The following ANKRD17 variants were observed in gnomAD, a reference collection of about 807,000 sequenced individuals.
The protein encoded by ANKRD17 is ankyrin repeat domain 17, also known as ankyrin repeat domain-containing protein 17.
ANKRD17 carries 19 observed loss-of-function variants against 229.7 expected under a neutral mutation model. The observed-to-expected ratio is 0.08, with a 90% CI of 0.06 to 0.12. ANKRD17 has a LOEUF of 0.12. Ranked by LOEUF, ANKRD17 falls within the 10% of genes least tolerant of loss-of-function variation. The pLI, the probability that ANKRD17 is intolerant of heterozygous loss-of-function variation, is 1.00. For synonymous variants in ANKRD17, 1,112 were observed against 1,146.1 expected (o/e 0.97, Z 0.60); for missense variants, 2,176 against 3,176.8 (o/e 0.68, Z 7.57).
At chr4:73,221,654 C>A (rs1326549723) in intron 1 of ANKRD17, among the ~76,000 whole-genome samples, 1 of 152,174 alleles carries the variant, frequency 6.6e-6, no homozygotes, top group Non-Finnish European at 1.5e-5. Context: ...GTTTATACTA[C>A]TATTTCTAAG....
chr4:73,255,503 A>G (rs1455373553), intron 1 of ANKRD17, among the ~76,000 whole-genome samples: 1 of 152,202 alleles, frequency 6.6e-6, no homozygotes, highest in African/African-American at 2.4e-5. Flanking sequence ...GAGAAAAGAC[A>G]ACACTGTGAT....
chr4:73,113,724 CA>C, intron 24 of ANKRD17, 67 bp downstream of exon 24: 1 of 1,180,050 alleles, frequency 8.5e-7, no homozygotes, highest in Non-Finnish European at 1.3e-6. Context: ...AGACGGATTA[CA>C]AATCAAAAGA....
At position 73,149,012 on chromosome 4, in the gene ANKRD17, G is replaced by A. The variant is rs376201909; in HGVS notation, c.1368C>T (p.Ser456=). The change falls in exon 8 of 34, where the codon AGC becomes AGT. Residue 456 remains serine, a synonymous_variant. Coordinates refer to ENST00000358602, the MANE Select transcript of ANKRD17 (RefSeq NM_032217.5). ...HVEVARLLLD[S]GAQVNMPADS... ...CAGCAGGCATGTTCACTTGGGCACCGCTGTCAAGAAGTAACCTAGCTACTT... is the reference window on the plus strand; with the variant it reads ...CAGCAGGCATGTTCACTTGGGCACCACTGTCAAGAAGTAACCTAGCTACTT... 2 of 1,612,618 alleles carry A rather than the reference G, an allele frequency of 1.2e-6. No individual in the cohort carries two copies. The highest frequency in any genetic ancestry group is 1.7e-6 in the Non-Finnish European group (2 of 1,179,188).
intron 21 of ANKRD17, among the ~76,000 whole-genome samples, chr4:73,119,727 G>A (rs1726459622): frequency 6.6e-6 from 1 of 152,220 alleles, no homozygotes; most frequent in South Asian, 2.1e-4. Flanking sequence ...GTGACTGAAA[G>A]TAGAAAGTAC....
At chr4:73,143,538 C>T (rs745605428) in intron 11 of ANKRD17, among the ~76,000 whole-genome samples, 58 of 152,060 alleles carry the variant, frequency 3.8e-4, no homozygotes, top group Non-Finnish European at 1.3e-4. Context: ...GAGGGGACAG[C>T]GATTATGTAC....
At chr4:73,161,388 A>T (rs1732501790) in intron 2 of ANKRD17, 40 bp from the exon 3 acceptor site, 1 of 1,599,730 alleles carries the variant, frequency 6.3e-7, no homozygotes, top group South Asian at 1.1e-5. Flanking sequence ...CACACCCAAA[A>T]GGAGAAACAA....
At position 73,148,798 on chromosome 4, in the gene ANKRD17, G is replaced by C; in HGVS notation, c.1567+15C>G. ...TTACACATTTATACTTTAGTGTCTT[G>C]ATAGATACGGTTACCTTGACCAAGA... On this transcript the variant is annotated intron_variant, in intron 8 of 33. Coordinates refer to ENST00000358602, the MANE Select transcript of ANKRD17 (RefSeq NM_032217.5). The C allele has an allele frequency of 6.2e-7, 1 of 1,602,758 alleles. No individual in the cohort carries two copies. Among genetic ancestry groups the C allele is most frequent in the Non-Finnish European group, 8.5e-7 (1 of 1,169,886 alleles).
chr4:73,212,887 A>G (rs1740491445), intron 1 of ANKRD17, among the ~76,000 whole-genome samples: 1 of 151,500 alleles, frequency 6.6e-6, no homozygotes, highest in South Asian at 2.1e-4. Context: ...ATTAGCGCAG[A>G]GTGGTGGTGT....
chr4:73,206,778 A>G (rs1739520279), intron 1 of ANKRD17, among the ~76,000 whole-genome samples: 1 of 152,218 alleles, frequency 6.6e-6, no homozygotes, highest in African/African-American at 2.4e-5. Context: ...CATGGTAACT[A>G]GAGTTAATAA....
chr4:73,086,919 A>AATATATATATAT lies in ANKRD17; in HGVS notation c.6962-1485_6962-1474dup, dbSNP rs61024099. Among the ~76,000 whole-genome samples, 70 of 12,436 alleles carry AATATATATATAT rather than the reference A, an allele frequency of 5.6e-3. 5 individuals are homozygous for AATATATATATAT. The highest frequency in any genetic ancestry group is 9.5e-3 in the Non-Finnish European group (54 of 5,670). The allele number at this position is 12,436 out of a possible 152,430, so 8.2% of individuals were successfully genotyped here. On this transcript the variant is annotated intron_variant, in intron 29 of 33. Coordinates refer to ENST00000358602, the MANE Select transcript of ANKRD17 (RefSeq NM_032217.5). ...TCTCAAAAAAAAAAAAAAAAAAAAA[A>AATATATATATAT]ATATATATATATATATATATATATA...
intron 16 of ANKRD17, among the ~76,000 whole-genome samples, chr4:73,125,732 C>CAA (rs56986647): frequency 8.8e-5 from 6 of 68,122 alleles, no homozygotes; most frequent in Non-Finnish European, 2.2e-4. Flanking sequence ...GACTCCGTCT[C>CAA]AAAAAAAAAA....
At chr4:73,142,866 T>C in intron 11 of ANKRD17, 99 bp from the exon 12 acceptor site, 1 of 1,346,958 alleles carries the variant, frequency 7.4e-7, no homozygotes, top group Non-Finnish European at 9.9e-7. Context: ...AATAGTATTA[T>C]GAGGCTCCAC....
chr4:73,162,519 GT>G (rs1181472812), intron 2 of ANKRD17, among the ~76,000 whole-genome samples: 2 of 151,984 alleles, frequency 1.3e-5, no homozygotes, highest in Non-Finnish European at 2.9e-5. Flanking sequence ...GCTTAAGAAT[GT>G]TTACTGGGCT....
Position 73,098,475 on chromosome 4 carries a change from G to A in ANKRD17, c.4619C>T (p.Thr1540Ile). ...CCAGGTTGCAGATATACCTATGGTA[G>A]TAGTGGTTGTGGCACTTGGAGGTTC... The part of the protein sequence containing the change: ...LTEPPSATTT[T>I]TIGISATWTT... The change falls in exon 26 of 34, where the codon ACT becomes ATT. Residue 1540 changes from threonine (T) to isoleucine (I), a missense_variant. Thr to Ile is a moderately conservative substitution (Grantham distance 89). This residue lies in a region of ANKRD17 where 105 missense variants were observed against 118.3 expected (regional missense o/e 0.89). Transcript: ENST00000358602. The A allele has an allele frequency of 6.2e-7, 1 of 1,613,862 alleles. No homozygotes were observed. The highest frequency in any genetic ancestry group is 1.3e-5 in the African/African-American group (1 of 74,958).
chr4:73,258,067 C>T (rs962055787), intron 1 of ANKRD17, among the ~76,000 whole-genome samples: 2 of 151,428 alleles, frequency 1.3e-5, no homozygotes, highest in East Asian at 3.9e-4. Context: ...CTGTGAACTC[C>T]GTGGTCCTCC....
chr4:73,170,674 G>A (rs1259628077), intron 2 of ANKRD17, among the ~76,000 whole-genome samples: 1 of 152,068 alleles, frequency 6.6e-6, no homozygotes, highest in Non-Finnish European at 1.5e-5. Flanking sequence ...AGGCCTGGCA[G>A]CTTTCATCAC....
chr4:73,078,926 A>G (rs1721278609), intron 30 of ANKRD17, 36 bp from the exon 31 acceptor site: 3 of 1,582,218 alleles, frequency 1.9e-6, no homozygotes, highest in South Asian at 1.2e-5. Flanking sequence ...AATACAGGTC[A>G]TCTATAGAAC....
chr4:73,151,503 A>T lies in ANKRD17; in HGVS notation c.1256T>A (p.Phe419Tyr), dbSNP rs762618498. The change falls in exon 7 of 34, where the codon TTT becomes TAT. Residue 419 changes from phenylalanine to tyrosine, a missense_variant. Phe to Tyr is a conservative substitution (Grantham distance 22). Coordinates refer to ENST00000358602, the MANE Select transcript of ANKRD17 (RefSeq NM_032217.5). The part of the protein sequence containing the change: ...CYKGHLEMVR[F>Y]LLEAGADQEH... ...TTGATCCGCGCCTGCTTCCAAAAGA[A>T]ATCGCACCATCTCTAAGTGTCCTAA... 1 of 1,609,466 alleles carries T rather than the reference A, an allele frequency of 6.2e-7. No homozygotes were observed. The highest frequency in any genetic ancestry group is 8.5e-7 in the Non-Finnish European group (1 of 1,177,760).
At chr4:73,140,505 T>A (rs1707574823) in intron 14 of ANKRD17, among the ~76,000 whole-genome samples, 1 of 152,204 alleles carries the variant, frequency 6.6e-6, no homozygotes, top group African/African-American at 2.4e-5. Context: ...TTTCAGAATC[T>A]TAAAAATAGC....
Sources: gnomAD v4.1 joint callset for allele counts (sites outside exome capture counted in the v4.1 genomes callset) on GRCh38, gnomAD v4.1.1 for gene constraint, gnomAD v4.1.1 regional missense constraint, MANE v1.5 for transcripts, NCBI Gene and HGNC (gene_info 2026-07-23, HGNC 2026-07-21) for gene names.